The following C12orf42 variants were observed in gnomAD, a reference collection of about 807,000 sequenced individuals.
C12orf42 encodes the protein uncharacterized protein C12orf42.
Under a neutral mutation model 21.6 loss-of-function variants are expected in C12orf42, and 25 were observed. The ratio of observed to expected loss-of-function variants is 1.16; its 90% confidence interval spans 0.84 to 1.62. The LOEUF (loss-of-function observed/expected upper bound fraction) is 1.62. Ranked by LOEUF, C12orf42 falls within the 40% of genes most tolerant of loss-of-function variation. C12orf42 has a pLI of 0.00. For missense variants in C12orf42, 483 were observed against 459.3 expected (o/e 1.05, Z -0.47); for synonymous variants, 174 against 175.0 (o/e 0.99, Z 0.05).
chr12:103,064,941 T>C, the C12orf42 span, among the ~76,000 whole-genome samples: 15 of 152,204 alleles, frequency 9.9e-5, no homozygotes, highest in Admixed American at 9.8e-4. Flanking sequence ...CTTGTGGTCA[T>C]TTCCTTAGTG....
At chr12:103,134,990 TA>T in the C12orf42 span, among the ~76,000 whole-genome samples, 2 of 151,486 alleles carry the variant, frequency 1.3e-5, no homozygotes, top group African/African-American at 2.4e-5. Flanking sequence ...ACAAAACAAA[TA>T]AAAAAAATAA....
At chr12:103,130,131 C>T in the C12orf42 span, among the ~76,000 whole-genome samples, 3 of 151,994 alleles carry the variant, frequency 2.0e-5, no homozygotes, top group Admixed American at 2.0e-4. Flanking sequence ...GCTGCACTGT[C>T]TCCAAGTCAA....
the C12orf42 span, among the ~76,000 whole-genome samples, chr12:103,170,335 C>G: frequency 1.3e-5 from 2 of 152,098 alleles, no homozygotes; most frequent in Admixed American, 1.3e-4. Flanking sequence ...AGATAAAAAC[C>G]TGACATTTTA....
the C12orf42 span, chr12:103,178,580 C>A: frequency 6.6e-6 from 1 of 152,224 alleles, no homozygotes; most frequent in Non-Finnish European, 1.5e-5. Context: ...TGCTCTTACA[C>A]ATTCAGACTT....
At chr12:103,090,693 A>AT in the C12orf42 span, among the ~76,000 whole-genome samples, 47 of 149,944 alleles carry the variant, frequency 3.1e-4, no homozygotes, top group South Asian at 1.3e-3. Flanking sequence ...AGGTTAAGGC[A>AT]TTTTTTTTTT....
chr12:103,362,533 T>C (rs2044211026), intron 4 of C12orf42, among the ~76,000 whole-genome samples: 1 of 151,900 alleles, frequency 6.6e-6, no homozygotes, highest in South Asian at 2.1e-4. Flanking sequence ...ACCTGAAAAA[T>C]AATTCAGTAG....
the C12orf42 span, among the ~76,000 whole-genome samples, chr12:103,078,986 G>A: frequency 3.9e-5 from 6 of 152,290 alleles, no homozygotes; most frequent in South Asian, 1.2e-3. Context: ...GCCAGCTCCA[G>A]TGTGCTTTCT....
At chr12:103,073,932 C>T in the C12orf42 span, among the ~76,000 whole-genome samples, 1 of 152,036 alleles carries the variant, frequency 6.6e-6, no homozygotes, top group African/African-American at 2.4e-5. Flanking sequence ...ACATATTTGC[C>T]TGAGGTTACA....
intron 4 of C12orf42, among the ~76,000 whole-genome samples, chr12:103,313,933 A>AG (rs2039209678): frequency 6.6e-6 from 1 of 152,172 alleles, no homozygotes; most frequent in African/African-American, 2.4e-5. Flanking sequence ...TGCAATCTAC[A>AG]GGGGGAAGGC....
chr12:103,193,430 T>A, the C12orf42 span, among the ~76,000 whole-genome samples: 3 of 148,946 alleles, frequency 2.0e-5, no homozygotes, highest in Non-Finnish European at 4.5e-5. Context: ...AAGGAAAAAA[T>A]TATAAAACTG....
At chr12:103,240,457 G>A (rs528069284) in intron 10 of C12orf42, among the ~76,000 whole-genome samples, 1 of 152,302 alleles carries the variant, frequency 6.6e-6, no homozygotes. Context: ...AGACCATCTG[G>A]TTTCAGAGTT....
the C12orf42 span, among the ~76,000 whole-genome samples, chr12:103,141,237 G>GA: frequency 6.6e-6 from 1 of 150,756 alleles, no homozygotes; most frequent in Non-Finnish European, 1.5e-5. Context: ...CAAAGAATTA[G>GA]AAAAGAAAAG....
the C12orf42 span, among the ~76,000 whole-genome samples, chr12:103,543,903 G>GT: frequency 6.8e-5 from 7 of 103,510 alleles, no homozygotes; most frequent in Admixed American, 1.8e-4. Context: ...TTTGTTTTTT[G>GT]TTTTTTTTGA....
intron 3 of C12orf42, among the ~76,000 whole-genome samples, chr12:103,385,618 T>C (rs1235418716): frequency 6.6e-6 from 1 of 152,244 alleles, no homozygotes; most frequent in East Asian, 1.9e-4. Flanking sequence ...TGATATTCTC[T>C]TCTTTATTGG....
intron 4 of C12orf42, among the ~76,000 whole-genome samples, chr12:103,289,817 C>T (rs1305370826): frequency 1.3e-5 from 2 of 152,168 alleles, no homozygotes; most frequent in East Asian, 3.8e-4. Context: ...AAAGGATATG[C>T]TCCAAAATGT....
At position 103,302,476 on chromosome 12, in the gene C12orf42, T is replaced by C; in HGVS notation, c.715A>G (p.Asn239Asp). ...CTCTCCTCCGGCTCGAGCTCTGTGT[T>C]ACTCGGGCCGGTGCTCTGCAGAGCG... ...PGALQSTGPS[N>D]TELEPEERMA... Residue 239 changes from asparagine (N) to aspartate (D), a missense_variant, in exon 6 of 6, where the codon AAC becomes GAC. Transcript: ENST00000548883. 1 of 1,613,676 alleles carries C rather than the reference T, an allele frequency of 6.2e-7. No homozygotes were observed. The highest frequency in any genetic ancestry group is 1.1e-5 in the South Asian group (1 of 91,072).
At chr12:103,224,463 C>T in the C12orf42 span, among the ~76,000 whole-genome samples, 3 of 151,948 alleles carry the variant, frequency 2.0e-5, no homozygotes, top group African/African-American at 7.3e-5. Context: ...GGGTGAGGAA[C>T]AGGAAAGAAG....
chr12:103,056,026 T>G, the C12orf42 span, among the ~76,000 whole-genome samples: 1 of 152,088 alleles, frequency 6.6e-6, no homozygotes, highest in African/African-American at 2.4e-5. Flanking sequence ...TTGGGTGGAG[T>G]GTTCTATACA....
At chr12:103,106,789 A>G in the C12orf42 span, among the ~76,000 whole-genome samples, 2 of 152,166 alleles carry the variant, frequency 1.3e-5, no homozygotes, top group South Asian at 4.1e-4. Context: ...TAATATGTTC[A>G]TCAATAATCA....
Sources: gnomAD v4.1 joint callset for allele counts (sites outside exome capture counted in the v4.1 genomes callset) on GRCh38, gnomAD v4.1.1 for gene constraint, MANE v1.5 for transcripts, NCBI Gene and HGNC (gene_info 2026-07-23, HGNC 2026-07-21) for gene names.